SLC6A13: variants seen among roughly 807,000 people sequenced by gnomAD.
The protein encoded by SLC6A13 is solute carrier family 6 member 13, also known as sodium- and chloride-dependent GABA transporter 2.
A neutral mutation model predicts 72.9 loss-of-function variants in SLC6A13; 69 were observed. That is an observed-to-expected ratio of 0.95 (90% CI 0.78 to 1.16). SLC6A13 has a LOEUF of 1.16. Among genes scored for constraint, SLC6A13 ranks in the 50% most tolerant of loss-of-function variants. The pLI is 0.00. For synonymous variants in SLC6A13, 303 were observed against 303.0 expected, an observed-to-expected ratio of 1.00 and a Z score of 0.00; for missense variants, 735 against 760.5, an observed-to-expected ratio of 0.97 and a Z score of 0.39.
intron 8 of SLC6A13, 110 bp from the exon 9 acceptor site, chr12:226,624 C>A: frequency 2.2e-6 from 3 of 1,367,912 alleles, no homozygotes; most frequent in Admixed American, 5.2e-5. Flanking sequence ...ACTGTCCTGG[C>A]CCCTTCACGG....
rs1462001322 is a variant in SLC6A13, at chr12:259,978, C to T, written c.75G>A (p.Glu25=). ...KPVYPVMEKK[E]EDGTLERGHW... is the part of the protein sequence containing the mutation. ...GCCCCCGCTCCAGGGTGCCATCTTC[C>T]TCCTTCTTTTCCATGACTGGATACA... The change falls in exon 2 of 15, where the codon GAG becomes GAA. Residue 25 remains glutamate (E), a synonymous_variant. Coordinates refer to ENST00000343164, the MANE Select transcript of SLC6A13 (RefSeq NM_016615.5). 4 of 1,614,242 alleles carry T rather than the reference C, an allele frequency of 2.5e-6. No individual in the cohort carries two copies. Among genetic ancestry groups the T allele is most frequent in the Non-Finnish European group, 3.4e-6 (4 of 1,180,036 alleles).
chr12:221,269 A>G, intron 14 of SLC6A13, 107 bp downstream of exon 14: 1 of 1,338,040 alleles, frequency 7.5e-7, no homozygotes, highest in African/African-American at 1.5e-5. Context: ...GGCTGGGCCC[A>G]CTGGCACCTC....
At chr12:226,339 C>G in intron 9 of SLC6A13, 51 bp downstream of exon 9, 1 of 1,610,638 alleles carries the variant, frequency 6.2e-7, no homozygotes, top group Non-Finnish European at 8.5e-7. Flanking sequence ...CGCTTGCTGC[C>G]AGAGGTTTGA....
chr12:255,813 CT>C (rs911333212), intron 2 of SLC6A13, among the ~76,000 whole-genome samples: 2 of 152,012 alleles, frequency 1.3e-5, no homozygotes, highest in Non-Finnish European at 2.9e-5. Context: ...TGATCTGCCC[CT>C]CTCCCTGTCC....
intron 2 of SLC6A13, among the ~76,000 whole-genome samples, chr12:250,542 G>A (rs1423762956): frequency 6.6e-6 from 1 of 151,958 alleles, no homozygotes; most frequent in Non-Finnish European, 1.5e-5. Context: ...ATTTACAATA[G>A]CATCAAAAAT....
At chr12:231,381 A>G (rs1244457190) in intron 7 of SLC6A13, among the ~76,000 whole-genome samples, 2 of 152,148 alleles carry the variant, frequency 1.3e-5, no homozygotes, top group East Asian at 3.9e-4. Context: ...GGGAGAAGAC[A>G]TTTTGCACCC....
chr12:234,103 G>C (rs747321005), intron 7 of SLC6A13, among the ~76,000 whole-genome samples: 8 of 152,192 alleles, frequency 5.3e-5, no homozygotes, highest in Admixed American at 2.0e-4. Context: ...TAGAGGAGGA[G>C]CTCTAGGTTG....
rs1271478473 is a variant in SLC6A13, at chr12:254,514, C to G, written c.202+5337G>C. On this transcript the variant is annotated intron_variant, in intron 2 of 14. Transcript: ENST00000343164. The surrounding 1 kb of genome is among the most constrained non-coding windows in gnomAD (Gnocchi z 4.4). ...CCTCATCTTCTTAACCTATCTGCAG[C>G]CTTTGCTGCAGTTAATTTCTCCCTC... is the stretch of plus-strand genomic sequence containing the variant. Among the ~76,000 whole-genome samples the G allele has an allele frequency of 2.0e-5, 3 of 152,156 alleles. No homozygotes were observed. The highest frequency in any genetic ancestry group is 4.4e-5 in the Non-Finnish European group (3 of 68,036).
At chr12:258,462 ATCCTGTAGCCCATGAACTT>A (rs1942818574) in intron 2 of SLC6A13, among the ~76,000 whole-genome samples, 1 of 152,036 alleles carries the variant, frequency 6.6e-6, no homozygotes, top group Non-Finnish European at 1.5e-5. Flanking sequence ...AGGACCTCAA[ATCCTGTAGCCCATGAACTT>A]ATCACTCCTC....
intron 7 of SLC6A13, among the ~76,000 whole-genome samples, chr12:228,672 G>T (rs1408352754): frequency 6.6e-6 from 1 of 152,080 alleles, no homozygotes; most frequent in Non-Finnish European, 1.5e-5. Flanking sequence ...CCTAGGCATG[G>T]TCACCACCCT....
intron 2 of SLC6A13, among the ~76,000 whole-genome samples, chr12:258,108 T>C (rs1429611270): frequency 1.3e-5 from 2 of 152,178 alleles, no homozygotes; most frequent in African/African-American, 4.8e-5. Flanking sequence ...CGGCACTAGG[T>C]AAAAAGTGGG....
chr12:223,084 C>G (rs1853927299), intron 12 of SLC6A13, 48 bp downstream of exon 12: 1 of 1,181,528 alleles, frequency 8.5e-7, no homozygotes, highest in African/African-American at 1.5e-5. Flanking sequence ...GACCCCAAGA[C>G]CCTTAGACAA....
rs567790180 is a variant in SLC6A13, at chr12:258,410, G to A, written c.202+1441C>T. 9.9e-4 allele frequency among the ~76,000 whole-genome samples: 150 copies of A among 152,194 alleles called. 1 individual carries two copies. In the South Asian group the frequency reaches 0.012, roughly 12 times the overall value. On this transcript the variant is annotated intron_variant, in intron 2 of 14. Coordinates refer to ENST00000343164, the MANE Select transcript of SLC6A13 (RefSeq NM_016615.5). ...TGTGAGACTCAAGCTGGATGCGTTC[G>A]GCAGCTCTTACTCACCTGCAAAAGG...
rs1941875715 is a variant in SLC6A13, at chr12:235,113, G to A, written c.808C>T (p.Leu270Phe). 6.2e-7 allele frequency: 1 copy of A among 1,614,226 alleles called. No individual in the cohort carries two copies. Among genetic ancestry groups the A allele is most frequent in the Non-Finnish European group, 8.5e-7 (1 of 1,180,022 alleles). ...ACCTGGGGATCCCACAGACGCGTGA[G>A]GTTTGGGTACAGGTAAAACTGAATT... is the stretch of plus-strand genomic sequence containing the variant. ...QGIQFYLYPN[L>F]TRLWDPQVWM... Residue 270 changes from leucine to phenylalanine, a missense_variant, in exon 7 of 15, where the codon CTC becomes TTC. Physicochemically the swap from Leu to Phe is conservative, Grantham distance 22 (BLOSUM62 0). Transcript: ENST00000343164.
In SLC6A13 at chr12:250,833, C is replaced by CAAAAAAAAAAA. The variant is rs71045051; in HGVS notation, c.203-7031_203-7021dup. ...ATGATAAGGACCCAAAATAGCCCCC[C>CAAAAAAAAAAA]AAAAAAAAAAAAAAAAAAACCTAAA... On this transcript the variant is annotated intron_variant, in intron 2 of 14. Transcript: ENST00000343164. Among the ~76,000 whole-genome samples the CAAAAAAAAAAA allele has an allele frequency of 1.2e-4, 10 of 82,596 alleles. No homozygotes were observed. The East Asian group carries it at 2.3e-3, about 19-fold the overall frequency. 54.2% of individuals were successfully genotyped at this position (82,596 alleles called of 152,430 possible). A position where few individuals can be genotyped will look rare whatever the true frequency, so the allele number is the denominator to read the frequency against.
At chr12:225,811 G>C (rs536383964) in intron 9 of SLC6A13, among the ~76,000 whole-genome samples, 1 of 152,348 alleles carries the variant, frequency 6.6e-6, no homozygotes, top group South Asian at 2.1e-4. Context: ...CAAAGTAGGT[G>C]AGCAAGAGAA....
rs1048033072 is a variant in SLC6A13 at position 243,234 on chromosome 12, C to T, written c.337+445G>A. On this transcript the variant is annotated intron_variant, in intron 3 of 14. Transcript: ENST00000343164. ...TTCACCATGTTGGCCAGGCTGGTCT[C>T]GAACTCCTGACCTCAGGTGATCCAC... is the stretch of plus-strand genomic sequence containing the variant. 4.6e-5 allele frequency among the ~76,000 whole-genome samples: 7 copies of T among 152,228 alleles called. No homozygotes were observed. In the East Asian group the frequency reaches 7.7e-4, roughly 17 times the overall value.
chr12:250,191 C>T (rs991928955), intron 2 of SLC6A13, among the ~76,000 whole-genome samples: 2 of 152,144 alleles, frequency 1.3e-5, no homozygotes, highest in Non-Finnish European at 2.9e-5. Flanking sequence ...TAACATCATA[C>T]TTAATTGTAA....
intron 4 of SLC6A13, among the ~76,000 whole-genome samples, chr12:239,645 C>T (rs560763084): frequency 5.3e-5 from 8 of 152,276 alleles, no homozygotes; most frequent in African/African-American, 1.9e-4. Context: ...TTATGTCTAC[C>T]TCCCATCGCT....
Sources: gnomAD v4.1 joint callset for allele counts (sites outside exome capture counted in the v4.1 genomes callset) on GRCh38, gnomAD v4.1.1 for gene constraint, Gnocchi (gnomAD v3.1) non-coding constraint, MANE v1.5 for transcripts, NCBI Gene and HGNC (gene_info 2026-07-23, HGNC 2026-07-21) for gene names.